ZC3H3: variants seen among roughly 807,000 people sequenced by gnomAD.
The protein encoded by ZC3H3 is zinc finger CCCH-type containing 3.
ZC3H3 carries 36 observed loss-of-function variants against 77.3 expected under a neutral mutation model. The ratio of observed to expected loss-of-function variants is 0.47; its 90% CI spans 0.36 to 0.61. The LOEUF is 0.61. ZC3H3 is among the 20% of genes least tolerant of loss of function. The pLI, the probability that ZC3H3 is intolerant of heterozygous loss-of-function variation, is 0.00. For missense variants in ZC3H3, 1,331 were observed against 1,312.2 expected, an observed-to-expected ratio of 1.01 and a Z score of -0.22; for synonymous variants, 626 against 555.2, an observed-to-expected ratio of 1.13 and a Z score of -1.79.
rs200505038 is a variant in ZC3H3 at position 143,539,241 on chromosome 8, G to A, written c.126C>T (p.Pro42=). 3.7e-6 allele frequency: 6 copies of A among 1,612,890 alleles called. No homozygotes were observed. In the East Asian group the frequency reaches 8.9e-5, roughly 24 times the overall value. ...GTPAASGWQP[P]TYHSGRAFSA... Reference sequence around the variant, plus strand: ...TAAAGGCTCTGCCACTGTGGTAAGTGGGTGGCTGCCACCCAGAAGCTGCTG... The same window carrying A: ...TAAAGGCTCTGCCACTGTGGTAAGTAGGTGGCTGCCACCCAGAAGCTGCTG... Residue 42 remains proline, a synonymous_variant, in exon 2 of 12, where the codon CCC becomes CCT. Coordinates refer to ENST00000262577, the MANE Select transcript of ZC3H3 (RefSeq NM_015117.3).
intron 4 of ZC3H3, among the ~76,000 whole-genome samples, chr8:143,482,337 G>A (rs963781813): frequency 1.3e-5 from 2 of 152,262 alleles, no homozygotes; most frequent in African/African-American, 4.8e-5. Context: ...CACAGGGGCC[G>A]TATCTGCAAA....
Position 143,468,195 on chromosome 8 carries a change from A to G in ZC3H3, c.2175+14T>C, listed in dbSNP as rs760593844. On this transcript the variant is annotated intron_variant, in intron 8 of 11. Coordinates refer to ENST00000262577, the MANE Select transcript of ZC3H3 (RefSeq NM_015117.3). ...AAAGGTGCACGGGAGCAGGGCCACCAGCGCCGCACTCACCTTCTCCTTGGA... is the reference window on the plus strand; with the variant it reads ...AAAGGTGCACGGGAGCAGGGCCACCGGCGCCGCACTCACCTTCTCCTTGGA... 21 of 1,605,714 alleles carry G rather than the reference A, an allele frequency of 1.3e-5. No individual in the cohort carries two copies. Among genetic ancestry groups the G allele is most frequent in the East Asian group, 2.2e-5 (1 of 44,648 alleles).
intron 4 of ZC3H3, 48 bp from the exon 5 acceptor site, chr8:143,475,633 C>T (rs1586902279): frequency 1.3e-6 from 2 of 1,515,728 alleles, no homozygotes; most frequent in East Asian, 4.8e-5. Context: ...GGACAGACTA[C>T]AGCTCTGATG....
rs1231236032 is a variant in ZC3H3, at chr8:143,493,438, C to T, written c.1715+14308G>A. Among the ~76,000 whole-genome samples the T allele has an allele frequency of 1.3e-5, 2 of 152,216 alleles. No homozygotes were observed. Among genetic ancestry groups the T allele is most frequent in the Non-Finnish European group, 2.9e-5 (2 of 68,028 alleles). On this transcript the variant is annotated intron_variant, in intron 4 of 11. Transcript: ENST00000262577. The surrounding 1 kb of genome is among the most constrained non-coding windows in gnomAD (Gnocchi z 4.8). Reference sequence around the variant, plus strand: ...CCTCCCTCTTCCCTACCCCAAACCACCAAGGCCGAGGCTGCAGGAGGGGTC... The same window carrying T: ...CCTCCCTCTTCCCTACCCCAAACCATCAAGGCCGAGGCTGCAGGAGGGGTC...
Position 143,530,845 on chromosome 8 carries a change from C to T in ZC3H3, c.1561+5412G>A, listed in dbSNP as rs1822578783. On this transcript the variant is annotated intron_variant, in intron 3 of 11. Coordinates refer to ENST00000262577, the MANE Select transcript of ZC3H3 (RefSeq NM_015117.3). The surrounding 1 kb of genome is among the most constrained non-coding windows in gnomAD (Gnocchi z 4.3). ...GGTTTTCTTCTCTTCTGCCCAAATG[C>T]CCCCTCTAGCATCGGTCCACCAGAG... Among the ~76,000 whole-genome samples, 1 of 152,124 alleles carries T rather than the reference C, an allele frequency of 6.6e-6. No homozygotes were observed. Among genetic ancestry groups the T allele is most frequent in the African/African-American group, 2.4e-5 (1 of 41,408 alleles).
Position 143,468,444 on chromosome 8 carries a change from C to T in ZC3H3, c.2043G>A (p.Arg681=). 4 of 1,610,686 alleles carry T rather than the reference C, an allele frequency of 2.5e-6. No homozygotes were observed. Among genetic ancestry groups the T allele is most frequent in the Non-Finnish European group, 3.4e-6 (4 of 1,179,066 alleles). The change falls in exon 7 of 12, where the codon AGG becomes AGA. Residue 681 remains arginine (R), a synonymous_variant. Coordinates refer to ENST00000262577, the MANE Select transcript of ZC3H3 (RefSeq NM_015117.3). ...EYCMYYNRFG[R]CNRGERCPYI... is the part of the protein sequence containing the mutation. Reference sequence around the variant, plus strand: ...AGGGGCAGCGCTCGCCACGGTTGCACCTGCCGAAGCGGTTGTAGTACATGC... The same window carrying T: ...AGGGGCAGCGCTCGCCACGGTTGCATCTGCCGAAGCGGTTGTAGTACATGC...
chr8:143,517,318 T>C (rs1324828947), intron 3 of ZC3H3, among the ~76,000 whole-genome samples: 1 of 152,150 alleles, frequency 6.6e-6, no homozygotes, highest in Non-Finnish European at 1.5e-5. Context: ...GGGGCCTCCC[T>C]GCCCTCCACG....
intron 4 of ZC3H3, chr8:143,484,831 C>A (rs142554438): frequency 7.8e-5 from 35 of 449,376 alleles, no homozygotes; most frequent in Non-Finnish European, 1.3e-4. Context: ...GACATCCCCC[C>A]ACTCCCAGGC....
At chr8:143,520,889 C>T (rs139418246) in intron 3 of ZC3H3, among the ~76,000 whole-genome samples, 1 of 152,338 alleles carries the variant, frequency 6.6e-6, no homozygotes, top group East Asian at 1.9e-4. Context: ...CTCCCTGCCT[C>T]GTTGGCTGGT....
intron 3 of ZC3H3, among the ~76,000 whole-genome samples, chr8:143,515,292 T>C (rs956178842): frequency 4.6e-5 from 7 of 152,234 alleles, no homozygotes; most frequent in Non-Finnish European, 8.8e-5. Context: ...CTCCCCCCGC[T>C]GCAACGCCTC....
intron 9 of ZC3H3, among the ~76,000 whole-genome samples, chr8:143,457,709 T>C (rs557136078): frequency 2.6e-5 from 4 of 151,644 alleles, no homozygotes; most frequent in African/African-American, 9.7e-5. Context: ...TTACAGAAAA[T>C]TTAAAAAATT....
At chr8:143,512,083 G>A (rs1040090752) in intron 3 of ZC3H3, among the ~76,000 whole-genome samples, 2 of 152,238 alleles carry the variant, frequency 1.3e-5, no homozygotes, top group Non-Finnish European at 2.9e-5. Context: ...AGCAGCGAGC[G>A]GCCAGGATGG....
Position 143,507,793 on chromosome 8 carries a change from G to A in ZC3H3, c.1668C>T (p.Phe556=), listed in dbSNP as rs199588360. ...CCCGCCAGGAGGGCAGAGACAGGGG[G>A]AAGGGCGGGGCGCTGAGAGGCGAGG... The part of the protein sequence containing the change: ...TPASPLSAPP[F]PLSLPSWRAR... The change falls in exon 4 of 12, where the codon TTC becomes TTT. Residue 556 remains phenylalanine, a synonymous_variant. Coordinates refer to ENST00000262577, the MANE Select transcript of ZC3H3 (RefSeq NM_015117.3). 6.2e-7 allele frequency: 1 copy of A among 1,603,764 alleles called. No individual in the cohort carries two copies. Among genetic ancestry groups the A allele is most frequent in the Admixed American group, 1.7e-5 (1 of 59,872 alleles).
chr8:143,440,806 G>C (rs1819719924), intron 10 of ZC3H3, 130 bp downstream of exon 10: 2 of 1,076,358 alleles, frequency 1.9e-6, no homozygotes, highest in Non-Finnish European at 2.4e-6. Flanking sequence ...GCCTTGGATA[G>C]GGATTTCTTT....
chr8:143,504,146 T>C (rs1427981014), intron 4 of ZC3H3, among the ~76,000 whole-genome samples: 1 of 152,060 alleles, frequency 6.6e-6, no homozygotes, highest in Admixed American at 6.5e-5. Context: ...CCCTGAGCCC[T>C]CCCCAGTGCC....
At chr8:143,468,972 G>A (rs2294118) in intron 5 of ZC3H3, among the ~76,000 whole-genome samples, 4 of 152,062 alleles carry the variant, frequency 2.6e-5, no homozygotes, top group Non-Finnish European at 4.4e-5. Context: ...CAGCACCCGC[G>A]GAGGGCTTGG....
chr8:143,465,771 G>A lies in ZC3H3; in HGVS notation c.2253C>T (p.Arg751=). The part of the protein sequence containing the change: ...NCPYSHVYVS[R]KAEVCSDFLK... ...GGAAGTCGCTGCAGACCTCGGCCTT[G>A]CGGGACACGTACACGTGGCTATAGG... The change falls in exon 9 of 12, where the codon CGC becomes CGT. Residue 751 remains arginine (R), a synonymous_variant. Coordinates refer to ENST00000262577, the MANE Select transcript of ZC3H3 (RefSeq NM_015117.3). 1.2e-6 allele frequency: 2 copies of A among 1,613,938 alleles called. No homozygotes were observed. The highest frequency in any genetic ancestry group is 2.2e-5 in the South Asian group (2 of 91,092).
intron 3 of ZC3H3, among the ~76,000 whole-genome samples, chr8:143,534,115 C>A (rs978266586): frequency 6.6e-6 from 1 of 152,002 alleles, no homozygotes; most frequent in African/African-American, 2.4e-5. Context: ...AAGACCCTGT[C>A]CCTACAAAAA....
At chr8:143,488,582 G>A (rs549593391) in intron 4 of ZC3H3, among the ~76,000 whole-genome samples, 5 of 152,290 alleles carry the variant, frequency 3.3e-5, no homozygotes, top group African/African-American at 1.2e-4. Flanking sequence ...AACAGGCAAA[G>A]CCAATCAAGG....
Sources: allele counts gnomAD v4.1 joint callset (sites outside exome capture counted in the v4.1 genomes callset), GRCh38; gene constraint gnomAD v4.1.1; non-coding constraint Gnocchi (gnomAD v3.1); transcripts MANE v1.5; gene names NCBI Gene and HGNC (gene_info 2026-07-23, HGNC 2026-07-21).